ZMYM2: variants seen among roughly 807,000 people sequenced by gnomAD.
ZMYM2 encodes the protein zinc finger MYM-type containing 2.
Under a neutral mutation model 162.8 loss-of-function variants are expected in ZMYM2, and 56 were observed. That is an observed-to-expected ratio of 0.34 (90% CI 0.28 to 0.43). ZMYM2 has a LOEUF of 0.43. Ranked by LOEUF, ZMYM2 falls within the 20% of genes least tolerant of loss-of-function variation. The probability of loss-of-function intolerance (pLI) is 1.00; values close to 1 mark genes in which losing one functional copy is unlikely to be tolerated. For synonymous variants in ZMYM2, 510 were observed against 541.6 expected (o/e 0.94, Z 0.81); for missense variants, 1,275 against 1,621.8 (o/e 0.79, Z 3.67).
intron 4 of ZMYM2, 93 bp from the exon 5 acceptor site, chr13:20,004,981 G>T: frequency 1.1e-6 from 1 of 906,890 alleles, no homozygotes; most frequent in Non-Finnish European, 1.6e-6. Flanking sequence ...TGATTTGCAG[G>T]ACTTAGTCTA....
At chr13:20,069,055 C>T (rs1170821152) in intron 21 of ZMYM2, among the ~76,000 whole-genome samples, 2 of 152,166 alleles carry the variant, frequency 1.3e-5, no homozygotes, top group South Asian at 2.1e-4. Context: ...TAAGGACGTG[C>T]TTTTTGCTCT....
intron 2 of ZMYM2, among the ~76,000 whole-genome samples, chr13:19,990,924 T>C (rs554275618): frequency 2.0e-5 from 3 of 152,290 alleles, no homozygotes; most frequent in Non-Finnish European, 4.4e-5. Context: ...CCTTGCATTT[T>C]GCCCCCCAAG....
chr13:19,960,066 TTGTCAGGTTG>T (rs1385249719), intron 2 of ZMYM2, 40 bp downstream of exon 2: 1 of 152,300 alleles, frequency 6.6e-6, no homozygotes, highest in African/African-American at 2.4e-5. Flanking sequence ...ATAGAGGACA[TTGTCAGGTTG>T]TAGGGGTTAA....
At chr13:19,965,459 CAG>C (rs1336686450) in intron 2 of ZMYM2, among the ~76,000 whole-genome samples, 7 of 152,260 alleles carry the variant, frequency 4.6e-5, no homozygotes, top group South Asian at 4.1e-4. Flanking sequence ...GGGTAATAAT[CAG>C]GGGACTGATT....
chr13:19,970,008 T>C, intron 2 of ZMYM2: 1 of 984,514 alleles, frequency 1.0e-6, no homozygotes, highest in Non-Finnish European at 1.2e-6. Flanking sequence ...TTGATGCAAG[T>C]ATTGTTGTTT....
At chr13:19,934,797 C>T in the ZMYM2 span, among the ~76,000 whole-genome samples, 1 of 144,920 alleles carries the variant, frequency 6.9e-6, no homozygotes, top group Non-Finnish European at 1.5e-5. Context: ...GATGGAGTCT[C>T]TCTCTGTTGC....
At chr13:20,029,565 A>G (rs970405505) in intron 9 of ZMYM2, among the ~76,000 whole-genome samples, 2 of 152,132 alleles carry the variant, frequency 1.3e-5, no homozygotes, top group African/African-American at 4.8e-5. Context: ...ATTTTTCACA[A>G]ACTTAGTGTT....
At chr13:19,941,437 G>A in the ZMYM2 span, among the ~76,000 whole-genome samples, 1 of 152,146 alleles carries the variant, frequency 6.6e-6, no homozygotes, top group East Asian at 1.9e-4. Context: ...AACTGGAAGA[G>A]GTTCAGAGAT....
At chr13:19,885,079 T>C in the ZMYM2 span, among the ~76,000 whole-genome samples, 1 of 152,174 alleles carries the variant, frequency 6.6e-6, no homozygotes, top group Non-Finnish European at 1.5e-5. Flanking sequence ...ATCCTCTAGC[T>C]AGACGGAAAA....
At chr13:19,906,015 C>G in the ZMYM2 span, among the ~76,000 whole-genome samples, 266 of 151,762 alleles carry the variant, frequency 1.8e-3, no homozygotes, top group Middle Eastern at 3.4e-3. Context: ...GGTGGTGACA[C>G]CTGTAATCCC....
intron 2 of ZMYM2, among the ~76,000 whole-genome samples, chr13:19,960,652 GATC>G (rs1200086657): frequency 6.6e-6 from 1 of 152,124 alleles, no homozygotes; most frequent in Non-Finnish European, 1.5e-5. Context: ...CTTCCATGTT[GATC>G]ATCTTTAACT....
intron 2 of ZMYM2, among the ~76,000 whole-genome samples, chr13:19,981,514 G>A (rs936178696): frequency 2.0e-5 from 3 of 152,050 alleles, no homozygotes; most frequent in Non-Finnish European, 4.4e-5. Flanking sequence ...CACATTTCCT[G>A]CCTCTGACCT....
At chr13:19,882,108 A>G in the ZMYM2 span, among the ~76,000 whole-genome samples, 1 of 152,198 alleles carries the variant, frequency 6.6e-6, no homozygotes, top group Non-Finnish European at 1.5e-5. Flanking sequence ...CACAGAAGCA[A>G]ATCTTCATGA....
intron 12 of ZMYM2, among the ~76,000 whole-genome samples, chr13:20,043,722 CCTG>C (rs982871991): frequency 1.9e-4 from 29 of 152,046 alleles, no homozygotes; most frequent in Non-Finnish European, 8.8e-5. Flanking sequence ...GAAGTGCACT[CCTG>C]CTGCATGAGT....
chr13:19,948,920 T>G, the ZMYM2 span, among the ~76,000 whole-genome samples: 2 of 152,368 alleles, frequency 1.3e-5, no homozygotes, highest in Admixed American at 6.5e-5. Flanking sequence ...CCCCCCTTCG[T>G]ACTTTTCAGG....
At chr13:19,963,006 G>T (rs1362021285) in intron 2 of ZMYM2, among the ~76,000 whole-genome samples, 1 of 151,796 alleles carries the variant, frequency 6.6e-6, no homozygotes, top group African/African-American at 2.4e-5. Flanking sequence ...TTTTAGTAGA[G>T]ATGGGGATTT....
chr13:19,883,681 T>C, the ZMYM2 span, among the ~76,000 whole-genome samples: 29 of 152,236 alleles, frequency 1.9e-4, no homozygotes, highest in African/African-American at 6.5e-4. Context: ...TGAAGCAGTA[T>C]ATTAGGCCCT....
intron 21 of ZMYM2, among the ~76,000 whole-genome samples, chr13:20,079,429 T>G (rs945556712): frequency 6.6e-6 from 1 of 151,842 alleles, no homozygotes; most frequent in African/African-American, 2.4e-5. Context: ...ACAGGCCTAT[T>G]CTATCTATAA....
chr13:19,924,368 A>G, the ZMYM2 span, among the ~76,000 whole-genome samples: 3 of 152,050 alleles, frequency 2.0e-5, no homozygotes, highest in Non-Finnish European at 2.9e-5. Context: ...GTTCGACACC[A>G]CTGTGGGGCA....
Sources: allele counts gnomAD v4.1 joint callset (sites outside exome capture counted in the v4.1 genomes callset), GRCh38; gene constraint gnomAD v4.1.1; transcripts MANE v1.5; gene names NCBI Gene and HGNC (gene_info 2026-07-23, HGNC 2026-07-21).